Variants in PRKN observed in about 807,000 individuals in gnomAD.
The protein encoded by PRKN is parkin RBR E3 ubiquitin protein ligase.
PRKN carries 56 observed loss-of-function variants against 59.5 expected under a neutral mutation model. The observed-to-expected ratio is 0.94, with a 90% CI of 0.76 to 1.18. PRKN has a LOEUF of 1.18. PRKN is among the 50% of genes most tolerant of loss of function. PRKN has a pLI of 0.00. For missense variants in PRKN, 657 were observed against 596.4 expected (o/e 1.10, Z -1.06); for synonymous variants, 250 against 222.1 (o/e 1.13, Z -1.12).
At chr6:162,084,438 AGTT>A (rs1779175074) in intron 4 of PRKN, among the ~76,000 whole-genome samples, 1 of 152,250 alleles carries the variant, frequency 6.6e-6, no homozygotes, top group Admixed American at 6.5e-5. Context: ...CTTTCAATAA[AGTT>A]GTGGGAAGTA....
rs368088375 is a variant in PRKN at position 162,416,595 on chromosome 6, C to A, written c.171+26715G>T. Among the ~76,000 whole-genome samples, 75 of 152,240 alleles carry A rather than the reference C, an allele frequency of 4.9e-4. 3 individuals carry two copies. In the South Asian group the frequency reaches 0.015, roughly 30 times the overall value. On this transcript the variant is annotated intron_variant, in intron 2 of 11. Coordinates refer to ENST00000366898, the MANE Select transcript of PRKN (RefSeq NM_004562.3). Reference sequence around the variant, plus strand: ...AATTTTTCTGTGTGTAGTTTGTGGGCAGAACATCATCAATCAGTTTTCTCC... The same window carrying A: ...AATTTTTCTGTGTGTAGTTTGTGGGAAGAACATCATCAATCAGTTTTCTCC...
chr6:162,027,537 A>G (rs1386190660), intron 5 of PRKN, among the ~76,000 whole-genome samples: 2 of 152,206 alleles, frequency 1.3e-5, no homozygotes, highest in Non-Finnish European at 2.9e-5. Flanking sequence ...TCCTGTTACA[A>G]AACTAAAGAA....
chr6:162,427,750 A>T (rs781429973), intron 2 of PRKN, among the ~76,000 whole-genome samples: 2 of 150,994 alleles, frequency 1.3e-5, no homozygotes, highest in Non-Finnish European at 2.9e-5. Context: ...GGTTCACACC[A>T]TTCTCCTGCC....
intron 1 of PRKN, among the ~76,000 whole-genome samples, chr6:162,664,139 C>T (rs978644789): frequency 2.6e-5 from 4 of 152,094 alleles, no homozygotes; most frequent in Non-Finnish European, 5.9e-5. Flanking sequence ...TGGGAACATG[C>T]AGTGTTTGGT....
At chr6:162,478,708 G>A (rs966768253) in intron 1 of PRKN, among the ~76,000 whole-genome samples, 2 of 152,278 alleles carry the variant, frequency 1.3e-5, no homozygotes, top group Admixed American at 1.3e-4. Context: ...TGGTACAGGC[G>A]ACTCCACACC....
At chr6:161,669,650 C>G (rs1784840850) in intron 7 of PRKN, among the ~76,000 whole-genome samples, 1 of 152,228 alleles carries the variant, frequency 6.6e-6, no homozygotes, top group African/African-American at 2.4e-5. Context: ...AATGGTTCTT[C>G]TGCTTCAACC....
chr6:161,348,960 T>C lies in PRKN; in HGVS notation c.*1139A>G. ...AACATAAGGAATATTCTAGTGAGTT[T>C]ACTGTCCTAAGAGAAGGTCTCTCCT... On this transcript the variant is annotated 3_prime_UTR_variant, in exon 12 of 12. Coordinates refer to ENST00000366898, the MANE Select transcript of PRKN (RefSeq NM_004562.3). This position sits in a 1 kb window ranked among gnomAD's most constrained non-coding sequence, Gnocchi z 4.9. The C allele has an allele frequency of 5.0e-6, 1 of 201,074 alleles. No individual in the cohort carries two copies. Among genetic ancestry groups the C allele is most frequent in the Non-Finnish European group, 1.0e-5 (1 of 97,712 alleles). The allele number at this position is 201,074 out of a possible 1,614,324, so 12.5% of individuals were successfully genotyped here. A position where few individuals can be genotyped will look rare whatever the true frequency, so the allele number is the denominator to read the frequency against.
At chr6:162,680,211 T>C (rs73598000) in intron 1 of PRKN, among the ~76,000 whole-genome samples, 2,024 of 150,902 alleles carry the variant, frequency 0.013, 50 homozygotes, top group African/African-American at 0.047. Context: ...AGAAAAGAAA[T>C]ATATGTTTAT....
chr6:162,627,852 T>C (rs1464817162), intron 1 of PRKN, among the ~76,000 whole-genome samples: 9 of 152,114 alleles, frequency 5.9e-5, no homozygotes, highest in Non-Finnish European at 1.3e-4. Flanking sequence ...GGACAGGTTG[T>C]AGTTGAGGCC....
rs1428739980 is a variant in PRKN at position 161,681,447 on chromosome 6, G to A, written c.871+104325C>T. Among the ~76,000 whole-genome samples the A allele has an allele frequency of 3.3e-5, 5 of 150,898 alleles. No homozygotes were observed. The East Asian group carries it at 9.7e-4, about 29-fold the overall frequency. The stretch of plus-strand genomic sequence containing the variant: ...TTGCAACTCTTTTTAAAGAGTCCAA[G>A]TAAATCTTTTTTTTTTTTCTCCTGA... On this transcript the variant is annotated intron_variant, in intron 7 of 11. Transcript: ENST00000366898.
intron 6 of PRKN, among the ~76,000 whole-genome samples, chr6:161,877,676 G>A (rs1401414651): frequency 6.6e-6 from 1 of 151,818 alleles, no homozygotes; most frequent in Non-Finnish European, 1.5e-5. Context: ...CACCGTGTTA[G>A]CCAGGATGGT....
At chr6:162,383,827 C>G (rs943678905) in intron 2 of PRKN, among the ~76,000 whole-genome samples, 1 of 152,214 alleles carries the variant, frequency 6.6e-6, no homozygotes, top group African/African-American at 2.4e-5. Flanking sequence ...ACCAGAACTT[C>G]TGGGTGACTT....
intron 7 of PRKN, among the ~76,000 whole-genome samples, chr6:161,679,556 CTTTTTTT>C (rs34325718): frequency 7.3e-5 from 8 of 109,040 alleles, no homozygotes; most frequent in African/African-American, 2.1e-4. Context: ...AGTTTCAAGT[CTTTTTTT>C]TTTTTTTTTT....
rs147230542 is a variant in PRKN, at chr6:161,662,289, C to T, written c.872-92873G>A. On this transcript the variant is annotated intron_variant, in intron 7 of 11. Transcript: ENST00000366898. ...CTGCCTGTGCTGACCTGGATGCAGACAGTCGCTGCCTCCACCGAGGAGGGC... is the reference window on the plus strand; with the variant it reads ...CTGCCTGTGCTGACCTGGATGCAGATAGTCGCTGCCTCCACCGAGGAGGGC... Among the ~76,000 whole-genome samples, 4 of 152,302 alleles carry T rather than the reference C, an allele frequency of 2.6e-5. No individual in the cohort carries two copies. The East Asian group carries it at 5.8e-4, about 22-fold the overall frequency.
At chr6:162,431,991 C>T (rs1223928226) in intron 2 of PRKN, among the ~76,000 whole-genome samples, 1 of 152,052 alleles carries the variant, frequency 6.6e-6, no homozygotes, top group Non-Finnish European at 1.5e-5. Context: ...GAATTTCCCC[C>T]CTTTATCATA....
chr6:162,425,064 A>G (rs150222322), intron 2 of PRKN, among the ~76,000 whole-genome samples: 2 of 53,178 alleles, frequency 3.8e-5, no homozygotes, highest in East Asian at 2.2e-3. Flanking sequence ...GATTGACTAG[A>G]AAAAAAAAAA....
intron 6 of PRKN, among the ~76,000 whole-genome samples, chr6:161,970,467 G>A (rs1780760310): frequency 6.6e-6 from 1 of 150,388 alleles, no homozygotes; most frequent in African/African-American, 2.4e-5. Context: ...ACTGCAAATA[G>A]GCATAATCAA....
At chr6:161,616,409 C>CT (rs75076099) in intron 7 of PRKN, among the ~76,000 whole-genome samples, 3,568 of 143,540 alleles carry the variant, frequency 0.025, 126 homozygotes, top group African/African-American at 0.082. Flanking sequence ...TCCATGTGTT[C>CT]TTTTTTTTTT....
chr6:161,710,819 TCTTTCCTTCCTTCCTTCCCC>T (rs944549876), intron 7 of PRKN, among the ~76,000 whole-genome samples: 4 of 137,370 alleles, frequency 2.9e-5, no homozygotes, highest in Non-Finnish European at 6.3e-5. Flanking sequence ...CCTCCCTCCC[TCTTTCCTTCCTTCCTTCCCC>T]CTTTCCTTCT....
Sources: allele counts gnomAD v4.1 joint callset (sites outside exome capture counted in the v4.1 genomes callset), GRCh38; gene constraint gnomAD v4.1.1; non-coding constraint Gnocchi (gnomAD v3.1); transcripts MANE v1.5; gene names NCBI Gene and HGNC (gene_info 2026-07-23, HGNC 2026-07-21).